TRAF3IP1: variants seen among roughly 807,000 people sequenced by gnomAD.
TRAF3IP1 encodes TRAF3-interacting protein 1.
TRAF3IP1 carries 53 observed loss-of-function variants against 89.9 expected under a neutral mutation model. That is an observed-to-expected ratio of 0.59 (90% CI 0.47 to 0.74). The LOEUF is 0.74. Ranked by LOEUF, TRAF3IP1 falls within the 30% of genes least tolerant of loss-of-function variation. The pLI is 0.00. For synonymous variants in TRAF3IP1, 311 were observed against 322.1 expected (o/e 0.97, Z 0.37); for missense variants, 806 against 866.1 (o/e 0.93, Z 0.87).
rs939335097 is a variant in TRAF3IP1, at chr2:238,370,239, G to A, written c.1689+14159G>A. On this transcript the variant is annotated intron_variant, in intron 15 of 16. Coordinates refer to ENST00000373327, the MANE Select transcript of TRAF3IP1 (RefSeq NM_015650.4). Reference sequence around the variant, plus strand: ...AACGTGTATGTGTGTCTGTAAGTGTGCATGTGTATATATGTGTGTGCATGT... The same window carrying A: ...AACGTGTATGTGTGTCTGTAAGTGTACATGTGTATATATGTGTGTGCATGT... Among the ~76,000 whole-genome samples the A allele has an allele frequency of 2.0e-5, 3 of 148,232 alleles. No individual in the cohort carries two copies. In the East Asian group the frequency reaches 5.9e-4, roughly 29 times the overall value.
Position 238,398,811 on chromosome 2 carries a change from G to A in TRAF3IP1, c.1968G>A (p.Leu656=). Residue 656 remains leucine, a synonymous_variant, in exon 17 of 17, where the codon CTG becomes CTA. Coordinates refer to ENST00000373327, the MANE Select transcript of TRAF3IP1 (RefSeq NM_015650.4). Reference sequence around the variant, plus strand: ...CTGAGCTCGCGGAGCTGGAGCAGCTGATCAAAGACCAGCAAGACAAGATCT... The same window carrying A: ...CTGAGCTCGCGGAGCTGGAGCAGCTAATCAAAGACCAGCAAGACAAGATCT... The part of the protein sequence containing the change: ...LKAELAELEQ[L]IKDQQDKICA... The A allele has an allele frequency of 6.2e-7, 1 of 1,613,260 alleles. No individual in the cohort carries two copies. The highest frequency in any genetic ancestry group is 2.2e-5 in the East Asian group (1 of 44,856).
chr2:238,348,772 G>T lies in TRAF3IP1; in HGVS notation c.1291G>T (p.Ala431Ser), dbSNP rs140386445. 20 of 1,613,970 alleles carry T rather than the reference G, an allele frequency of 1.2e-5. No homozygotes were observed. Among genetic ancestry groups the T allele is most frequent in the Non-Finnish European group, 1.7e-5 (20 of 1,179,968 alleles). ...GDSTSDAEGD[A>S]GPAGQDKSEV... ...GATTGTCATTTGTTTAGAAGGAGAT[G>T]CTGGACCTGCTGGCCAAGATAAGTC... is the stretch of plus-strand genomic sequence containing the variant. The change falls in exon 11 of 17, where the codon GCT becomes TCT. Residue 431 changes from alanine to serine, a missense_variant. Ala to Ser is a moderately conservative substitution (Grantham distance 99). Transcript: ENST00000373327.
chr2:238,389,866 A>G (rs543934820), intron 15 of TRAF3IP1, among the ~76,000 whole-genome samples: 14 of 152,238 alleles, frequency 9.2e-5, no homozygotes, highest in Non-Finnish European at 1.8e-4. Context: ...ATAATCAATA[A>G]CTATAAATTT....
At chr2:238,387,561 A>T (rs1245229847) in intron 15 of TRAF3IP1, among the ~76,000 whole-genome samples, 3 of 152,230 alleles carry the variant, frequency 2.0e-5, no homozygotes, top group African/African-American at 7.2e-5. Context: ...TTGACCCAGT[A>T]ATGCCACTTC....
intron 7 of TRAF3IP1, 43 bp downstream of exon 7, chr2:238,334,078 G>GTTTTTTTTTTTTTTTTT (rs5839695): frequency 7.3e-6 from 8 of 1,089,726 alleles, no homozygotes; most frequent in South Asian, 1.6e-5. Context: ...ATGGATATTA[G>GTTTTTTTTTTTTTTTTT]TTTTTTTTTT....
At chr2:238,385,838 G>A (rs892440866) in intron 15 of TRAF3IP1, among the ~76,000 whole-genome samples, 4 of 152,060 alleles carry the variant, frequency 2.6e-5, no homozygotes, top group African/African-American at 4.8e-5. Context: ...TTCTTGCACC[G>A]CTGTTTTTTA....
chr2:238,325,021 C>G (rs1042179278), intron 1 of TRAF3IP1, among the ~76,000 whole-genome samples: 2 of 152,184 alleles, frequency 1.3e-5, no homozygotes, highest in Admixed American at 1.3e-4. Flanking sequence ...CACTCCTGCT[C>G]CCTCCCGGAT....
At chr2:238,327,941 A>G (rs1282787429) in intron 3 of TRAF3IP1, among the ~76,000 whole-genome samples, 1 of 152,196 alleles carries the variant, frequency 6.6e-6, no homozygotes, top group African/African-American at 2.4e-5. Context: ...GGGCTGAATA[A>G]TATTCCATTG....
chr2:238,353,804 T>C (rs1029138332), intron 14 of TRAF3IP1, among the ~76,000 whole-genome samples: 2 of 152,136 alleles, frequency 1.3e-5, no homozygotes, highest in African/African-American at 4.8e-5. Context: ...GGCGGAGTCT[T>C]GCCCTGTCAC....
chr2:238,352,807 T>C lies in TRAF3IP1; in HGVS notation c.1452-20T>C, dbSNP rs1334748540. ...ATGAAAATGTGTAATTCTAATTTAATCTAATTTCTTTTTATTTAGGTCAGG... is the reference window on the plus strand; with the variant it reads ...ATGAAAATGTGTAATTCTAATTTAACCTAATTTCTTTTTATTTAGGTCAGG... On this transcript the variant is annotated intron_variant, in intron 12 of 16. Coordinates refer to ENST00000373327, the MANE Select transcript of TRAF3IP1 (RefSeq NM_015650.4). 6.3e-7 allele frequency: 1 copy of C among 1,592,106 alleles called. No individual in the cohort carries two copies. Among genetic ancestry groups the C allele is most frequent in the Non-Finnish European group, 8.5e-7 (1 of 1,172,088 alleles).
intron 15 of TRAF3IP1, 139 bp downstream of exon 15, chr2:238,356,219 A>G (rs1699399011): frequency 1.3e-6 from 1 of 781,952 alleles, no homozygotes; most frequent in Non-Finnish European, 2.1e-6. Context: ...ATTCCTGGCC[A>G]GGCATGGTGG....
At position 238,322,753 on chromosome 2, in the gene TRAF3IP1, C is replaced by T. The variant is rs868589994; in HGVS notation, c.123+1968C>T. Among the ~76,000 whole-genome samples, 186 of 137,708 alleles carry T rather than the reference C, an allele frequency of 1.4e-3. 1 individual carries two copies. Among genetic ancestry groups the T allele is most frequent in the African/African-American group, 4.8e-3 (174 of 36,534 alleles). 90.3% of individuals were successfully genotyped at this position (137,708 alleles called of 152,430 possible). On this transcript the variant is annotated intron_variant, in intron 1 of 16. Transcript: ENST00000373327. ...GGCCAGGTAGATAGGGTGTGTGGAA[C>T]GAGTTGCATGTTCCCAATTAGGAAC...
chr2:238,362,600 A>G (rs1042377144), intron 15 of TRAF3IP1, among the ~76,000 whole-genome samples: 1 of 152,168 alleles, frequency 6.6e-6, no homozygotes, highest in Admixed American at 6.6e-5. Context: ...CTCCTTCAGG[A>G]TATTTACTGG....
intron 9 of TRAF3IP1, 142 bp from the exon 10 acceptor site, chr2:238,347,313 C>A: frequency 1.2e-6 from 1 of 802,716 alleles, no homozygotes; most frequent in Non-Finnish European, 2.1e-6. Flanking sequence ...ATTAGAAAAG[C>A]GGCTATGAGG....
At chr2:238,341,128 C>A (rs866505543) in intron 8 of TRAF3IP1, among the ~76,000 whole-genome samples, 95 of 152,048 alleles carry the variant, frequency 6.2e-4, no homozygotes, top group African/African-American at 2.2e-3. Flanking sequence ...TCAAGTGATC[C>A]TCCTGCCTCA....
chr2:238,357,996 T>A (rs1054770908), intron 15 of TRAF3IP1, among the ~76,000 whole-genome samples: 1 of 152,180 alleles, frequency 6.6e-6, no homozygotes, highest in African/African-American at 2.4e-5. Context: ...AAAGTCAGGG[T>A]TGATGTATGT....
At chr2:238,367,891 G>T (rs1699953357) in intron 15 of TRAF3IP1, among the ~76,000 whole-genome samples, 1 of 152,158 alleles carries the variant, frequency 6.6e-6, no homozygotes, top group Admixed American at 6.5e-5. Flanking sequence ...CTCAGTGCGG[G>T]GTGGGCGCGT....
At chr2:238,343,467 G>C (rs1009002831) in intron 8 of TRAF3IP1, among the ~76,000 whole-genome samples, 6 of 151,276 alleles carry the variant, frequency 4.0e-5, no homozygotes, top group Non-Finnish European at 7.4e-5. Context: ...CTGCAGCCTC[G>C]ACCTCCTGGG....
At chr2:238,327,743 C>G (rs559679996) in intron 3 of TRAF3IP1, among the ~76,000 whole-genome samples, 2 of 152,232 alleles carry the variant, frequency 1.3e-5, no homozygotes, top group Admixed American at 1.3e-4. Context: ...ACTTCCTCTT[C>G]TCCCGTACCC....
Sources: gnomAD v4.1 joint callset for allele counts (sites outside exome capture counted in the v4.1 genomes callset) on GRCh38, gnomAD v4.1.1 for gene constraint, MANE v1.5 for transcripts, NCBI Gene and HGNC (gene_info 2026-07-23, HGNC 2026-07-21) for gene names.